CADPS: variants seen among roughly 807,000 people sequenced by gnomAD.
CADPS encodes the protein calcium dependent secretion activator, also known as calcium-dependent secretion activator 1.
A neutral mutation model predicts 167.3 loss-of-function variants in CADPS; 57 were observed. That is an observed-to-expected ratio of 0.34 (90% CI 0.28 to 0.42). The LOEUF (loss-of-function observed/expected upper bound fraction) is 0.42. Among genes scored for constraint, CADPS ranks in the 20% least tolerant of loss-of-function variants. The pLI is 1.00. For synonymous variants in CADPS, 676 were observed against 635.3 expected (o/e 1.06, Z -0.96); for missense variants, 1,414 against 1,738.1 (o/e 0.81, Z 3.32).
At chr3:62,780,114 G>A (rs911662086) in intron 1 of CADPS, among the ~76,000 whole-genome samples, 1 of 151,980 alleles carries the variant, frequency 6.6e-6, no homozygotes, top group Non-Finnish European at 1.5e-5. Flanking sequence ...CTCAGGCAAT[G>A]TTTCCACCTT....
Position 62,455,993 on chromosome 3 carries a change from T to TTC in CADPS, c.3636+9372_3636+9373dup, listed in dbSNP as rs745358047. 2.3e-4 allele frequency among the ~76,000 whole-genome samples: 35 copies of TTC among 151,994 alleles called. No homozygotes were observed. The highest frequency in any genetic ancestry group is 4.9e-4 in the Non-Finnish European group (33 of 67,990). ...TGGGTTTGTAACACAGTGGTTTGGT[T>TTC]TCTCTCTCTCTCTCTTTTTTGTTTT... On this transcript the variant is annotated intron_variant, in intron 26 of 29. Transcript: ENST00000383710. The surrounding 1 kb of genome is among the most constrained non-coding windows in gnomAD (Gnocchi z 4.4).
chr3:62,461,503 T>G lies in CADPS; in HGVS notation c.3636+3864A>C, dbSNP rs187235143. 3.2e-3 allele frequency among the ~76,000 whole-genome samples: 493 copies of G among 152,270 alleles called. 1 individual carries two copies. Among genetic ancestry groups the G allele is most frequent in the South Asian group, 5.8e-3 (28 of 4,830 alleles). On this transcript the variant is annotated intron_variant, in intron 26 of 29. Coordinates refer to ENST00000383710, the MANE Select transcript of CADPS (RefSeq NM_003716.4). The stretch of plus-strand genomic sequence containing the variant: ...ATCATAGTTCTCGGGCTTTCCACCT[T>G]TGCCCTCTCCAGTCAAGTCTCCACC...
intron 26 of CADPS, among the ~76,000 whole-genome samples, chr3:62,456,439 C>A (rs1266356834): frequency 6.6e-6 from 1 of 152,120 alleles, no homozygotes; most frequent in Non-Finnish European, 1.5e-5. Flanking sequence ...TGGTTGCCTG[C>A]TAAGGGTCCT....
At chr3:62,751,884 C>A (rs1030424299) in intron 3 of CADPS, among the ~76,000 whole-genome samples, 2 of 151,982 alleles carry the variant, frequency 1.3e-5, no homozygotes, top group Non-Finnish European at 2.9e-5. Flanking sequence ...TATGATCCTG[C>A]CACTCAATTC....
chr3:62,794,792 A>AAAAGAAAAAG (rs1553689721), intron 1 of CADPS, among the ~76,000 whole-genome samples: 13 of 147,452 alleles, frequency 8.8e-5, no homozygotes, highest in African/African-American at 2.9e-4. Context: ...AAAAAAAAAA[A>AAAAGAAAAAG]AAAAAAAAAA....
At chr3:62,410,033 A>AAC (rs2048653201) in intron 28 of CADPS, among the ~76,000 whole-genome samples, 1 of 152,118 alleles carries the variant, frequency 6.6e-6, no homozygotes, top group African/African-American at 2.4e-5. Context: ...CACTTTTAGC[A>AAC]ACACACACAC....
chr3:62,715,154 T>TG (rs2084198718), intron 3 of CADPS, among the ~76,000 whole-genome samples: 1 of 152,086 alleles, frequency 6.6e-6, no homozygotes, highest in Admixed American at 6.5e-5. Flanking sequence ...GATGGAAGAA[T>TG]GGGGGGTGCA....
chr3:62,443,517 A>G (rs1529184), intron 27 of CADPS, among the ~76,000 whole-genome samples: 49,579 of 151,898 alleles, frequency 0.33, 8,470 homozygotes, highest in Middle Eastern at 0.46. Flanking sequence ...AGCTCCCACA[A>G]TCCCCAAGTA....
In CADPS at chr3:62,692,001, A is replaced by G. The variant is rs190331149; in HGVS notation, c.889-29607T>C. On this transcript the variant is annotated intron_variant, in intron 3 of 29. Coordinates refer to ENST00000383710, the MANE Select transcript of CADPS (RefSeq NM_003716.4). ...TGGTCTTATCTTATGAAATAAATTTATAACTCCAGATGCATGTGATTTTCT... is the reference window on the plus strand; with the variant it reads ...TGGTCTTATCTTATGAAATAAATTTGTAACTCCAGATGCATGTGATTTTCT... Among the ~76,000 whole-genome samples the G allele has an allele frequency of 3.3e-5, 5 of 152,180 alleles. No homozygotes were observed. In the East Asian group the frequency reaches 9.7e-4, roughly 29 times the overall value.
chr3:62,475,114 G>C (rs1324160983), intron 23 of CADPS, among the ~76,000 whole-genome samples: 1 of 152,158 alleles, frequency 6.6e-6, no homozygotes, highest in East Asian at 1.9e-4. Context: ...TTGTGTGATG[G>C]TGGAATCTGA....
chr3:62,868,145 C>A lies in CADPS; in HGVS notation c.441+6444G>T, dbSNP rs530797635. ...AAAAGTAATAATTTTGATCATCGGC[C>A]CTCCAATTTGGCAAAAACTATAAAA... On this transcript the variant is annotated intron_variant, in intron 1 of 29. Transcript: ENST00000383710. Among the ~76,000 whole-genome samples the A allele has an allele frequency of 5.9e-5, 9 of 152,150 alleles. No individual in the cohort carries two copies. In the South Asian group the frequency reaches 1.9e-3, roughly 32 times the overall value.
At chr3:62,568,596 C>T (rs1046056657) in intron 9 of CADPS, among the ~76,000 whole-genome samples, 1 of 152,150 alleles carries the variant, frequency 6.6e-6, no homozygotes, top group Non-Finnish European at 1.5e-5. Context: ...TGTTGGCTTC[C>T]TTTGTTTTGA....
At chr3:62,413,943 C>T (rs1171324661) in intron 28 of CADPS, among the ~76,000 whole-genome samples, 8 of 151,898 alleles carry the variant, frequency 5.3e-5, no homozygotes, top group Non-Finnish European at 8.8e-5. Flanking sequence ...CATTTAATCC[C>T]AGGACTGAGG....
At chr3:62,792,746 C>T (rs1420979105) in intron 1 of CADPS, among the ~76,000 whole-genome samples, 1 of 151,974 alleles carries the variant, frequency 6.6e-6, no homozygotes. Flanking sequence ...CAAATGCATG[C>T]CATCATGCTT....
intron 1 of CADPS, among the ~76,000 whole-genome samples, chr3:62,865,218 A>C (rs528089669): frequency 1.3e-5 from 2 of 152,250 alleles, no homozygotes; most frequent in East Asian, 3.9e-4. Flanking sequence ...AACAGAAGGC[A>C]TAATTATTTG....
chr3:62,801,698 C>A (rs1471277652), intron 1 of CADPS, among the ~76,000 whole-genome samples: 2 of 152,088 alleles, frequency 1.3e-5, no homozygotes, highest in Non-Finnish European at 2.9e-5. Context: ...GTTCACAAAT[C>A]ATCTCTACTC....
chr3:62,492,367 G>C lies in CADPS; in HGVS notation c.2807C>G (p.Ala936Gly), dbSNP rs1405747544. 3 of 1,613,882 alleles carry C rather than the reference G, an allele frequency of 1.9e-6. No homozygotes were observed. In the African/African-American group the frequency reaches 4.0e-5, roughly 22 times the overall value. ...LSLFAVDMDA[A>G]LEVQPPDTWD... is the part of the protein sequence containing the mutation. The stretch of plus-strand genomic sequence containing the variant: ...TGTGTCTGGAGGTTGCACCTCTAAG[G>C]CTGCATCCATGTCTACTGCAAAGAG... Residue 936 changes from alanine (A) to glycine (G), a missense_variant, in exon 20 of 30, where the codon GCC (alanine) becomes GGC (glycine). Coordinates refer to ENST00000383710, the MANE Select transcript of CADPS (RefSeq NM_003716.4).
chr3:62,505,115 G>T (rs2066433828), intron 17 of CADPS, among the ~76,000 whole-genome samples: 1 of 152,140 alleles, frequency 6.6e-6, no homozygotes, highest in Non-Finnish European at 1.5e-5. Context: ...AGAAAGCTTA[G>T]CAGATAGCCA....
Position 62,874,177 on chromosome 3 carries a change from G to A in CADPS, c.441+412C>T, listed in dbSNP as rs1194559672. Among the ~76,000 whole-genome samples the A allele has an allele frequency of 6.6e-6, 1 of 151,868 alleles. No individual in the cohort carries two copies. Among genetic ancestry groups the A allele is most frequent in the East Asian group, 2.0e-4 (1 of 5,118 alleles). The stretch of plus-strand genomic sequence containing the variant: ...CGCCGAACGCACGCCCAGGAGGGCG[G>A]GCCCGGAGTTGAGCGCAGCCGCCCG... On this transcript the variant is annotated intron_variant, in intron 1 of 29. Coordinates refer to ENST00000383710, the MANE Select transcript of CADPS (RefSeq NM_003716.4). This position sits in a 1 kb window ranked among gnomAD's most constrained non-coding sequence, Gnocchi z 7.1.
Sources: allele counts gnomAD v4.1 joint callset (sites outside exome capture counted in the v4.1 genomes callset), GRCh38; gene constraint gnomAD v4.1.1; non-coding constraint Gnocchi (gnomAD v3.1); transcripts MANE v1.5; gene names NCBI Gene and HGNC (gene_info 2026-07-23, HGNC 2026-07-21).